Variants in NPEPPS observed in about 807,000 individuals in gnomAD.
The protein encoded by NPEPPS is puromycin-sensitive aminopeptidase.
A neutral mutation model predicts 115.5 loss-of-function variants in NPEPPS; 14 were observed. The ratio of observed to expected loss-of-function variants is 0.12; its 90% confidence interval spans 0.08 to 0.19. NPEPPS has a LOEUF of 0.19. NPEPPS is among the 10% of genes least tolerant of loss of function. The probability of loss-of-function intolerance (pLI) is 1.00; values close to 1 mark genes in which losing one functional copy is unlikely to be tolerated. For missense variants in NPEPPS, 523 were observed against 1,110.8 expected (o/e 0.47, Z 7.52); for synonymous variants, 285 against 390.6 (o/e 0.73, Z 3.19).
intron 1 of NPEPPS, among the ~76,000 whole-genome samples, chr17:47,537,807 T>A (rs1908412282): frequency 6.6e-6 from 1 of 152,166 alleles, no homozygotes; most frequent in South Asian, 2.1e-4. Context: ...CATTGTTTTT[T>A]TTAAATACTG....
intron 3 of NPEPPS, among the ~76,000 whole-genome samples, chr17:47,577,831 G>A (rs1253482336): frequency 6.6e-6 from 1 of 152,076 alleles, no homozygotes; most frequent in South Asian, 2.1e-4. Flanking sequence ...CTGTAGACTC[G>A]CACTCCCCAT....
At chr17:47,594,327 T>G (rs1912704488) in intron 12 of NPEPPS, among the ~76,000 whole-genome samples, 2 of 152,338 alleles carry the variant, frequency 1.3e-5, no homozygotes, top group Admixed American at 6.5e-5. Context: ...TAATTTTTCT[T>G]TCTTGAATAA....
rs981775776 is a variant in NPEPPS at position 47,531,116 on chromosome 17, C to T, written c.-185C>T. The T allele has an allele frequency of 1.7e-5, 14 of 837,000 alleles. No homozygotes were observed. Among genetic ancestry groups the T allele is most frequent in the African/African-American group, 1.5e-4 (8 of 54,348 alleles). The allele number at this position is 837,000 out of a possible 1,614,324, so 51.8% of individuals were successfully genotyped here. ...ACGCAGCCGCCGCCACCACTTCCCC[C>T]TCTCCCTCCCTCCTTGCGGGCCCTC... On this transcript the variant is annotated 5_prime_UTR_variant, in exon 1 of 23. Transcript: ENST00000322157.
intron 2 of NPEPPS, among the ~76,000 whole-genome samples, chr17:47,566,087 A>G (rs1910795763): frequency 1.3e-5 from 2 of 152,068 alleles, no homozygotes; most frequent in Admixed American, 1.3e-4. Flanking sequence ...TCAACCTCCT[A>G]GGCTTCAGCA....
At chr17:47,618,114 C>A (rs1914324600) in intron 19 of NPEPPS, among the ~76,000 whole-genome samples, 1 of 151,878 alleles carries the variant, frequency 6.6e-6, no homozygotes, top group East Asian at 1.9e-4. Flanking sequence ...CTCTTGACCT[C>A]AGGTGATCCA....
intron 17 of NPEPPS, among the ~76,000 whole-genome samples, chr17:47,611,672 T>C (rs534058955): frequency 3.9e-5 from 6 of 152,056 alleles, no homozygotes; most frequent in African/African-American, 1.4e-4. Context: ...AGGGTCTTGC[T>C]GTGTTGCTCA....
intron 2 of NPEPPS, among the ~76,000 whole-genome samples, chr17:47,561,013 T>C (rs1418227467): frequency 6.6e-6 from 1 of 152,254 alleles, no homozygotes; most frequent in Non-Finnish European, 1.5e-5. Context: ...GCACTTCTGA[T>C]ATTGAAATTT....
intron 2 of NPEPPS, among the ~76,000 whole-genome samples, chr17:47,558,629 A>G (rs559710732): frequency 1.3e-5 from 2 of 152,258 alleles, no homozygotes; most frequent in South Asian, 4.1e-4. Flanking sequence ...GGGTTTCACC[A>G]TGTTGGCCAG....
intron 13 of NPEPPS, among the ~76,000 whole-genome samples, chr17:47,598,875 G>A (rs958334934): frequency 1.3e-5 from 2 of 152,170 alleles, no homozygotes; most frequent in Admixed American, 6.5e-5. Flanking sequence ...ATGGCCTGGT[G>A]CAGTGGCTCA....
intron 2 of NPEPPS, among the ~76,000 whole-genome samples, chr17:47,557,230 A>G (rs1177295803): frequency 6.6e-6 from 1 of 151,886 alleles, no homozygotes; most frequent in Non-Finnish European, 1.5e-5. Context: ...GGCATGTGCC[A>G]CCACACCCAG....
intron 2 of NPEPPS, among the ~76,000 whole-genome samples, chr17:47,556,304 C>A (rs1910029956): frequency 6.6e-6 from 1 of 151,586 alleles, no homozygotes. Context: ...ATGCTACCTT[C>A]AAGCATCTGT....
At position 47,598,477 on chromosome 17, in the gene NPEPPS, A is replaced by C. The variant is rs1232165481; in HGVS notation, c.1537-1199A>C. Among the ~76,000 whole-genome samples the C allele has an allele frequency of 4.6e-5, 7 of 151,892 alleles. No homozygotes were observed. In the East Asian group the frequency reaches 1.4e-3, roughly 30 times the overall value. ...GGCAACAGAGCAAGACCATGTATTA[A>C]AAAACAAACAATTGGCCAGGCGCAG... is the stretch of plus-strand genomic sequence containing the variant. On this transcript the variant is annotated intron_variant, in intron 13 of 22. Coordinates refer to ENST00000322157, the MANE Select transcript of NPEPPS (RefSeq NM_006310.4).
intron 3 of NPEPPS, among the ~76,000 whole-genome samples, chr17:47,573,155 T>A (rs567663964): frequency 6.6e-6 from 1 of 152,148 alleles, no homozygotes; most frequent in African/African-American, 2.4e-5. Context: ...AGGTACACCA[T>A]TGAGAGAGAC....
chr17:47,560,185 A>G (rs1910336526), intron 2 of NPEPPS, among the ~76,000 whole-genome samples: 1 of 152,044 alleles, frequency 6.6e-6, no homozygotes, highest in Non-Finnish European at 1.5e-5. Flanking sequence ...TTTGAATTAT[A>G]TACTCATCTA....
At chr17:47,612,730 C>T in intron 18 of NPEPPS, 128 bp downstream of exon 18, 2 of 782,900 alleles carry the variant, frequency 2.6e-6, no homozygotes, top group Non-Finnish European at 3.9e-6. Context: ...GTGGCATGAT[C>T]TCGGCTCACT....
chr17:47,583,515 G>A (rs1321054176), intron 5 of NPEPPS, among the ~76,000 whole-genome samples: 3 of 151,894 alleles, frequency 2.0e-5, no homozygotes, highest in African/African-American at 7.3e-5. Flanking sequence ...AACCCAGGAA[G>A]CGGAGTTTGT....
intron 19 of NPEPPS, 53 bp from the exon 20 acceptor site, chr17:47,618,297 C>T: frequency 8.4e-7 from 1 of 1,194,214 alleles, no homozygotes; most frequent in Non-Finnish European, 1.2e-6. Context: ...TAATCATATG[C>T]AGAACATCCA....
upstream of NPEPPS, among the ~76,000 whole-genome samples, chr17:47,530,102 A>ATTT (rs5820660): frequency 6.4e-5 from 8 of 124,468 alleles, no homozygotes; most frequent in African/African-American, 8.9e-5. Flanking sequence ...AAGCCCGGCT[A>ATTT]TTTTTTTTTT....
chr17:47,592,087 T>A, intron 11 of NPEPPS, 27 bp downstream of exon 11: 11 of 1,364,886 alleles, frequency 8.1e-6, no homozygotes, highest in Non-Finnish European at 1.1e-5. Context: ...AATATTTCAT[T>A]CTTTTATGGT....
Sources: allele counts gnomAD v4.1 joint callset (sites outside exome capture counted in the v4.1 genomes callset), GRCh38; gene constraint gnomAD v4.1.1; transcripts MANE v1.5; gene names NCBI Gene and HGNC (gene_info 2026-07-23, HGNC 2026-07-21).